SRR: variants seen among roughly 807,000 people sequenced by gnomAD.
The protein encoded by SRR is D-serine ammonia-lyase.
In SRR, 19 loss-of-function variants were observed where a neutral mutation model predicts 32.7. That is an observed-to-expected ratio of 0.58 (90% CI 0.40 to 0.85). The LOEUF is 0.85. Ranked by LOEUF, SRR falls within the 40% of genes least tolerant of loss-of-function variation. The pLI is 0.00. For missense variants in SRR, 373 were observed against 404.7 expected (o/e 0.92, Z 0.67); for synonymous variants, 142 against 140.9 (o/e 1.01, Z -0.06).
intron 1 of SRR, chr17:2,307,553 C>A (rs2151428444): frequency 3.5e-6 from 4 of 1,139,516 alleles, no homozygotes; most frequent in Non-Finnish European, 3.9e-6. Context: ...TTGGCAATTA[C>A]AACAATTAGT....
Position 2,325,038 on chromosome 17 carries a change from C to G in SRR, c.*1165C>G. On this transcript the variant is annotated 3_prime_UTR_variant, in exon 8 of 8. Transcript: ENST00000344595. ...GTACTTCAAGAGAAATGATGTATAA[C>G]AAAACCATACTTTTTCTCATCAGTT... 1 of 616,548 alleles carries G rather than the reference C, an allele frequency of 1.6e-6. No homozygotes were observed. The highest frequency in any genetic ancestry group is 2.7e-6 in the Non-Finnish European group (1 of 365,996). The allele number at this position is 616,548 out of a possible 1,614,324, so 38.2% of individuals were successfully genotyped here. A position where few individuals can be genotyped will look rare whatever the true frequency, so the allele number is the denominator to read the frequency against.
intron 2 of SRR, among the ~76,000 whole-genome samples, chr17:2,317,294 G>A (rs9674833): frequency 1.3e-5 from 2 of 148,162 alleles, no homozygotes; most frequent in African/African-American, 2.5e-5. Flanking sequence ...GGCGGATAAC[G>A]AGGTCAAAAG....
At chr17:2,321,458 TG>T in intron 5 of SRR, 33 bp downstream of exon 5, 1 of 1,611,382 alleles carries the variant, frequency 6.2e-7, no homozygotes, top group Non-Finnish European at 8.5e-7. Context: ...GTTTAGCTAC[TG>T]GTAAAGCTGT....
rs537160638 is a variant in SRR at position 2,317,379 on chromosome 17, G to A, written c.169-491G>A. 5.9e-5 allele frequency among the ~76,000 whole-genome samples: 9 copies of A among 152,062 alleles called. No individual in the cohort carries two copies. In the South Asian group the frequency reaches 8.3e-4, roughly 14 times the overall value. On this transcript the variant is annotated intron_variant, in intron 2 of 7. Transcript: ENST00000344595. ...ACAAAAAAATTAGCCGGGCGTGGTG[G>A]CGGGCGCCTGCAGACCCGGCTACTC...
upstream of SRR, chr17:2,303,623 C>A (rs771677096): frequency 9.7e-6 from 14 of 1,447,492 alleles, no homozygotes; most frequent in Non-Finnish European, 1.3e-5. Flanking sequence ...AGCTGGGCGG[C>A]GCGACTCACC....
At chr17:2,321,222 C>A in intron 4 of SRR, 84 bp from the exon 5 acceptor site, 1 of 1,521,266 alleles carries the variant, frequency 6.6e-7, no homozygotes, top group South Asian at 1.2e-5. Context: ...AGTAGATGGT[C>A]AATAAAATGC....
chr17:2,318,714 C>G (rs2151434888), intron 3 of SRR, 112 bp from the exon 4 acceptor site: 8 of 644,252 alleles, frequency 1.2e-5, no homozygotes, highest in Non-Finnish European at 2.2e-5. Context: ...TTGTGATCCG[C>G]CTGCCTCAGC....
At chr17:2,303,384 G>A (rs75203067), upstream of SRR, 719 of 1,237,152 alleles carry the variant, frequency 5.8e-4, 4 homozygotes, top group African/African-American at 0.01. Context: ...CACCTTCGCG[G>A]CGAGAAAGAG....
At chr17:2,318,783 T>A in intron 3 of SRR, 43 bp from the exon 4 acceptor site, 1 of 1,493,846 alleles carries the variant, frequency 6.7e-7, no homozygotes, top group South Asian at 1.1e-5. Flanking sequence ...TAAGTTTCTA[T>A]TCTAAATTCT....
chr17:2,321,498 T>C (rs981571487), intron 5 of SRR, 44 bp from the exon 6 acceptor site: 3 of 1,612,394 alleles, frequency 1.9e-6, no homozygotes, highest in Non-Finnish European at 2.5e-6. Flanking sequence ...TTTATATGTA[T>C]ACATTAAATA....
At chr17:2,319,819 TTC>T (rs1372663853) in intron 4 of SRR, among the ~76,000 whole-genome samples, 6 of 103,872 alleles carry the variant, frequency 5.8e-5, no homozygotes, top group South Asian at 3.0e-4. Flanking sequence ...AACTTGTCTC[TTC>T]TTTTTTTTTT....
chr17:2,310,432 T>A (rs1157129618), intron 1 of SRR, among the ~76,000 whole-genome samples: 1 of 151,848 alleles, frequency 6.6e-6, no homozygotes, highest in Admixed American at 6.6e-5. Context: ...CCCAGGCTGG[T>A]CTTAAATTCC....
rs1344358053 is a variant in SRR at position 2,317,793 on chromosome 17, G to GA, written c.169-73dup. On this transcript the variant is annotated intron_variant, in intron 2 of 7. Coordinates refer to ENST00000344595, the MANE Select transcript of SRR (RefSeq NM_021947.3). The stretch of plus-strand genomic sequence containing the variant: ...AGATTGGATGTGCATGTTAAGGATA[G>GA]AAAATCTAGAAAAGCTCCTTGCTTT... 5 of 1,500,118 alleles carry GA rather than the reference G, an allele frequency of 3.3e-6. No individual in the cohort carries two copies. The African/African-American group carries it at 7.0e-5, about 21-fold the overall frequency. 92.9% of individuals were successfully genotyped at this position (1,500,118 alleles called of 1,614,324 possible).
chr17:2,316,854 A>T (rs531082748), intron 2 of SRR, among the ~76,000 whole-genome samples: 1 of 149,368 alleles, frequency 6.7e-6, no homozygotes, highest in African/African-American at 2.5e-5. Context: ...CTGGGACTAC[A>T]GGCGCCTGCC....
intron 3 of SRR, 41 bp downstream of exon 3, chr17:2,318,037 G>C (rs1201729688): frequency 3.9e-6 from 6 of 1,530,482 alleles, no homozygotes; most frequent in Non-Finnish European, 5.3e-6. Context: ...CTTCAGAAAG[G>C]AGTGGAAAAG....
chr17:2,312,852 C>T (rs1274205816), intron 1 of SRR, among the ~76,000 whole-genome samples: 1 of 152,174 alleles, frequency 6.6e-6, no homozygotes, highest in Non-Finnish European at 1.5e-5. Flanking sequence ...CAAGGCTATT[C>T]ATTACATCAT....
upstream of SRR, chr17:2,303,469 G>A (rs2075334330): frequency 8.3e-6 from 11 of 1,319,138 alleles, no homozygotes; most frequent in Admixed American, 4.2e-5. Context: ...GCACTAACCC[G>A]CGAGAGAGGT....
Position 2,323,294 on chromosome 17 carries a change from T to C in SRR, c.753T>C (p.Ile251=), listed in dbSNP as rs775329550. Residue 251 remains isoleucine, a synonymous_variant, in exon 7 of 8, where the codon ATT becomes ATC. Coordinates refer to ENST00000344595, the MANE Select transcript of SRR (RefSeq NM_021947.3). The part of the protein sequence containing the change: ...KSSIGLNTWP[I]IRDLVDDIFT... ...GCATTGGCTTGAACACCTGGCCTAT[T>C]ATCAGGGACCTTGTGGATGATATCT... 1.9e-6 allele frequency: 3 copies of C among 1,614,120 alleles called. 1 individual carries two copies. The highest frequency in any genetic ancestry group is 2.2e-5 in the South Asian group (2 of 91,078).
At chr17:2,306,608 T>C (rs974678808) in intron 1 of SRR, among the ~76,000 whole-genome samples, 1 of 151,640 alleles carries the variant, frequency 6.6e-6, no homozygotes, top group East Asian at 2.0e-4. Context: ...TCCCAGCTAC[T>C]TGGGAGACTG....
Sources: allele counts gnomAD v4.1 joint callset (sites outside exome capture counted in the v4.1 genomes callset), GRCh38; gene constraint gnomAD v4.1.1; transcripts MANE v1.5; gene names NCBI Gene and HGNC (gene_info 2026-07-23, HGNC 2026-07-21).